The following KIF6 variants were observed in gnomAD, a reference collection of about 807,000 sequenced individuals.
KIF6 encodes the protein kinesin family member 6, also known as kinesin-like protein KIF6.
In KIF6, 106 loss-of-function variants were observed where a neutral mutation model predicts 112.7. The ratio of observed to expected loss-of-function variants is 0.94; its 90% CI spans 0.80 to 1.11. The LOEUF is 1.11. KIF6 is among the 50% of genes least tolerant of loss of function. The pLI is 0.00. For missense variants in KIF6, 929 were observed against 964.0 expected (o/e 0.96, Z 0.48); for synonymous variants, 339 against 339.9 (o/e 1.00, Z 0.03).
At chr6:39,439,514 T>C (rs969043491) in intron 13 of KIF6, among the ~76,000 whole-genome samples, 1 of 152,142 alleles carries the variant, frequency 6.6e-6, no homozygotes, top group Admixed American at 6.5e-5. Flanking sequence ...CGGTTGTAAG[T>C]TGGATGGAAA....
rs574485553 is a variant in KIF6, at chr6:39,534,261, T to C, written c.1645+5742A>G. ...AGAAGGCTTCAGACGATCAAACTAC[T>C]CTGAGCTACAGGAGGAAATTCAAAC... is the stretch of plus-strand genomic sequence containing the variant. On this transcript the variant is annotated intron_variant, in intron 13 of 22. Transcript: ENST00000287152. 2.6e-3 allele frequency among the ~76,000 whole-genome samples: 392 copies of C among 152,188 alleles called. 4 individuals are homozygous for C. The highest frequency in any genetic ancestry group is 8.8e-3 in the African/African-American group (364 of 41,494).
chr6:39,562,722 A>C (rs9394612), intron 10 of KIF6, among the ~76,000 whole-genome samples: 4 of 152,026 alleles, frequency 2.6e-5, no homozygotes, highest in African/African-American at 7.2e-5. Flanking sequence ...ATATATAAAA[A>C]GTCTAATATA....
intron 16 of KIF6, among the ~76,000 whole-genome samples, chr6:39,376,829 A>G (rs576302189): frequency 7.4e-4 from 112 of 152,344 alleles, no homozygotes; most frequent in Non-Finnish European, 1.3e-3. Context: ...GAAAGAAGAT[A>G]TATTAAAAGC....
rs1468599518 is a variant in KIF6, at chr6:39,346,810, G to T, written c.2181-284C>A. On this transcript the variant is annotated intron_variant, in intron 19 of 22. Transcript: ENST00000287152. ...TTACAAGCATGCATCACAACACCTG[G>T]CTAATTTTTTGTATTTTTAGTAGAG... 6.2e-4 allele frequency among the ~76,000 whole-genome samples: 94 copies of T among 152,122 alleles called. 2 individuals are homozygous for T. Among genetic ancestry groups the T allele is most frequent in the Admixed American group, 6.2e-3 (94 of 15,274 alleles).
chr6:39,606,305 A>G (rs968326883), intron 6 of KIF6, among the ~76,000 whole-genome samples: 2 of 151,876 alleles, frequency 1.3e-5, no homozygotes, highest in Non-Finnish European at 2.9e-5. Context: ...ATATTAAGCT[A>G]TTTTTTAAAA....
At position 39,336,455 on chromosome 6, in the gene KIF6, G is replaced by C; in HGVS notation, c.*77C>G. 1 of 1,410,632 alleles carries C rather than the reference G, an allele frequency of 7.1e-7. No homozygotes were observed. Among genetic ancestry groups the C allele is most frequent in the Non-Finnish European group, 1.0e-6 (1 of 994,788 alleles). The allele number at this position is 1,410,632 out of a possible 1,614,324, so 87.4% of individuals were successfully genotyped here. Reference sequence around the variant, plus strand: ...AGCCCATAGTTCACTTCTGAAGCCAGAGCAAGTGAGGGGCGCTGCCTTCAT... The same window carrying C: ...AGCCCATAGTTCACTTCTGAAGCCACAGCAAGTGAGGGGCGCTGCCTTCAT... On this transcript the variant is annotated 3_prime_UTR_variant, in exon 23 of 23. Coordinates refer to ENST00000287152, the MANE Select transcript of KIF6 (RefSeq NM_145027.6).
intron 4 of KIF6, among the ~76,000 whole-genome samples, chr6:39,636,563 T>C (rs967486222): frequency 2.0e-5 from 3 of 151,966 alleles, no homozygotes; most frequent in African/African-American, 4.8e-5. Flanking sequence ...CTATAAACAC[T>C]AAAAAGACTT....
At chr6:39,720,257 G>A (rs1446983909) in intron 2 of KIF6, among the ~76,000 whole-genome samples, 11 of 152,058 alleles carry the variant, frequency 7.2e-5, no homozygotes. Context: ...TGTGGCTTGT[G>A]GCTATTATAT....
At chr6:39,451,087 C>A (rs1772672310) in intron 13 of KIF6, among the ~76,000 whole-genome samples, 1 of 152,228 alleles carries the variant, frequency 6.6e-6, no homozygotes, top group African/African-American at 2.4e-5. Flanking sequence ...GCAAATAATG[C>A]TGCACCGAGT....
At chr6:39,560,512 T>A (rs556861139) in intron 10 of KIF6, among the ~76,000 whole-genome samples, 1 of 152,340 alleles carries the variant, frequency 6.6e-6, no homozygotes. Flanking sequence ...GATTCCTCTA[T>A]CTGAAATGTT....
intron 15 of KIF6, among the ~76,000 whole-genome samples, chr6:39,401,962 G>T (rs1415063482): frequency 6.6e-6 from 1 of 152,150 alleles, no homozygotes; most frequent in African/African-American, 2.4e-5. Flanking sequence ...TATAGGCCTG[G>T]CTGGTATTTT....
intron 16 of KIF6, among the ~76,000 whole-genome samples, chr6:39,373,688 T>C (rs1426054898): frequency 6.6e-6 from 1 of 152,022 alleles, no homozygotes; most frequent in Non-Finnish European, 1.5e-5. Flanking sequence ...TAAGGAGGTA[T>C]AATTGAAAAC....
At chr6:39,584,799 T>C in intron 9 of KIF6, 99 bp downstream of exon 9, 1 of 709,350 alleles carries the variant, frequency 1.4e-6, no homozygotes, top group Non-Finnish European at 2.5e-6. Flanking sequence ...TTTCCACTAC[T>C]TAGAACATTC....
intron 13 of KIF6, among the ~76,000 whole-genome samples, chr6:39,481,752 G>C (rs1774812478): frequency 6.6e-6 from 1 of 152,122 alleles, no homozygotes; most frequent in African/African-American, 2.4e-5. Flanking sequence ...GTTCATCATT[G>C]TTCTTGAACG....
At chr6:39,617,282 T>C (rs1049414852) in intron 5 of KIF6, among the ~76,000 whole-genome samples, 4 of 152,172 alleles carry the variant, frequency 2.6e-5, no homozygotes, top group Admixed American at 2.0e-4. Flanking sequence ...GGCTAAGTAG[T>C]TGGAATTTGT....
rs530198640 is a variant in KIF6, at chr6:39,563,236, C to A, written c.1181+14820G>T. Among the ~76,000 whole-genome samples, 3 of 152,052 alleles carry A rather than the reference C, an allele frequency of 2.0e-5. No individual in the cohort carries two copies. In the South Asian group the frequency reaches 6.2e-4, roughly 31 times the overall value. Reference sequence around the variant, plus strand: ...GGGTGATAGAGTGAGGGAGGCCCTGCTGCAAAAAGAAAAGAAAATTTAGAA... The same window carrying A: ...GGGTGATAGAGTGAGGGAGGCCCTGATGCAAAAAGAAAAGAAAATTTAGAA... On this transcript the variant is annotated intron_variant, in intron 10 of 22. Coordinates refer to ENST00000287152, the MANE Select transcript of KIF6 (RefSeq NM_145027.6).
chr6:39,501,307 C>T (rs1167644598), intron 13 of KIF6, among the ~76,000 whole-genome samples: 2 of 152,066 alleles, frequency 1.3e-5, no homozygotes, highest in African/African-American at 2.4e-5. Flanking sequence ...CAACAAATCA[C>T]AAAAACCCTA....
intron 4 of KIF6, 128 bp from the exon 5 acceptor site, chr6:39,635,086 A>AT: frequency 1.7e-6 from 1 of 601,332 alleles, no homozygotes; most frequent in East Asian, 2.9e-5. Context: ...TATGGTTTAC[A>AT]TTTTCAGTTC....
intron 3 of KIF6, among the ~76,000 whole-genome samples, chr6:39,704,180 T>A (rs1582487393): frequency 6.6e-6 from 1 of 152,074 alleles, no homozygotes; most frequent in Non-Finnish European, 1.5e-5. Context: ...CAAAAATGGA[T>A]GATAGCTAAT....
Sources: gnomAD v4.1 joint callset for allele counts (sites outside exome capture counted in the v4.1 genomes callset) on GRCh38, gnomAD v4.1.1 for gene constraint, MANE v1.5 for transcripts, NCBI Gene and HGNC (gene_info 2026-07-23, HGNC 2026-07-21) for gene names.